Variants in TNRC6C observed in about 807,000 individuals in gnomAD.
TNRC6C encodes the protein trinucleotide repeat-containing gene 6C protein.
A neutral mutation model predicts 153.7 loss-of-function variants in TNRC6C; 20 were observed. The observed-to-expected ratio is 0.13, with a 90% confidence interval of 0.09 to 0.19. The LOEUF is 0.19. Ranked by LOEUF, TNRC6C falls within the 10% of genes least tolerant of loss-of-function variation. TNRC6C has a pLI of 1.00. For synonymous variants in TNRC6C, 811 were observed against 841.4 expected (o/e 0.96, Z 0.63); for missense variants, 1,987 against 2,172.0 (o/e 0.91, Z 1.69).
Position 78,077,098 on chromosome 17 carries a change from C to G in TNRC6C, c.3061-87C>G, listed in dbSNP as rs1251583839. On this transcript the variant is annotated intron_variant, in intron 8 of 19. Transcript: ENST00000301624. ...GATCTGTTAATTATTTATCCATCCA[C>G]GCCTCCTCTGTTTCCTTGGGAAACT... 4.9e-6 allele frequency: 7 copies of G among 1,443,278 alleles called. No individual in the cohort carries two copies. In the African/African-American group the frequency reaches 5.7e-5, roughly 12 times the overall value. The allele number at this position is 1,443,278 out of a possible 1,614,324, so 89.4% of individuals were successfully genotyped here. A position where few individuals can be genotyped will look rare whatever the true frequency, so the allele number is the denominator to read the frequency against.
intron 1 of TNRC6C, among the ~76,000 whole-genome samples, chr17:77,965,883 C>G (rs750034984): frequency 4.6e-5 from 7 of 152,186 alleles, no homozygotes; most frequent in African/African-American, 7.2e-5. Flanking sequence ...CAGTATTTCC[C>G]AAACTTATGT....
intron 3 of TNRC6C, among the ~76,000 whole-genome samples, chr17:78,060,948 T>C (rs1455905280): frequency 6.6e-6 from 1 of 152,240 alleles, no homozygotes; most frequent in Non-Finnish European, 1.5e-5. Flanking sequence ...CTTGGTCCTA[T>C]TTCTTGGCCT....
At chr17:78,039,791 G>A (rs1030051027) in intron 2 of TNRC6C, among the ~76,000 whole-genome samples, 2 of 152,218 alleles carry the variant, frequency 1.3e-5, no homozygotes, top group Admixed American at 6.5e-5. Flanking sequence ...CAACAAGCCC[G>A]AGAGGAGGAG....
chr17:77,972,278 C>T (rs968664119), intron 1 of TNRC6C, among the ~76,000 whole-genome samples: 1 of 152,036 alleles, frequency 6.6e-6, no homozygotes. Flanking sequence ...TTTGGGAGGC[C>T]GAGGTGGGAG....
At chr17:78,076,558 C>T (rs534785629) in intron 8 of TNRC6C, among the ~76,000 whole-genome samples, 1 of 152,098 alleles carries the variant, frequency 6.6e-6, no homozygotes. Flanking sequence ...AACTCAGCAT[C>T]GCATATGTTT....
chr17:78,082,975 T>G, intron 10 of TNRC6C, 72 bp from the exon 13 acceptor site: 2 of 1,558,726 alleles, frequency 1.3e-6, no homozygotes, highest in Non-Finnish European at 1.7e-6. Flanking sequence ...TTTTGAATTT[T>G]GAAAAACTAC....
At chr17:78,034,989 A>G (rs1200111812) in intron 2 of TNRC6C, among the ~76,000 whole-genome samples, 1 of 152,136 alleles carries the variant, frequency 6.6e-6, no homozygotes, top group Non-Finnish European at 1.5e-5. Flanking sequence ...TTCTATGACT[A>G]AGCAGAATGG....
chr17:78,032,040 G>GCATATTACA (rs2072086196), intron 2 of TNRC6C, among the ~76,000 whole-genome samples, 198 bp downstream of exon 4: 1 of 152,120 alleles, frequency 6.6e-6, no homozygotes, highest in Non-Finnish European at 1.5e-5. Context: ...TTGGTCATGA[G>GCATATTACA]TTTGCAGATG....
chr17:77,990,248 G>A (rs541023459), intron 1 of TNRC6C, among the ~76,000 whole-genome samples: 4 of 152,238 alleles, frequency 2.6e-5, no homozygotes, highest in African/African-American at 7.2e-5. Context: ...AGTAGCCTAC[G>A]CATTGGTTTC....
intron 1 of TNRC6C, among the ~76,000 whole-genome samples, chr17:78,012,696 A>G (rs1208845217): frequency 1.3e-5 from 2 of 152,206 alleles, no homozygotes; most frequent in Non-Finnish European, 2.9e-5. Flanking sequence ...GCTTCCAGGT[A>G]TGAGAAGTCA....
chr17:78,022,822 T>G (rs1055280510), intron 1 of TNRC6C, among the ~76,000 whole-genome samples: 3 of 152,230 alleles, frequency 2.0e-5, no homozygotes, highest in African/African-American at 7.2e-5. Flanking sequence ...TAACTGTCAA[T>G]CAAAAATATT....
intron 19 of TNRC6C, among the ~76,000 whole-genome samples, chr17:78,103,828 C>T (rs2073640720): frequency 6.6e-6 from 1 of 152,200 alleles, no homozygotes; most frequent in Non-Finnish European, 1.5e-5. Context: ...CGTAATCTCT[C>T]CTTATAAGGA....
chr17:78,012,062 T>C (rs1440695690), intron 1 of TNRC6C: 1 of 152,210 alleles, frequency 6.6e-6, no homozygotes, highest in Non-Finnish European at 1.5e-5. Flanking sequence ...TCGCTACAGG[T>C]TGTCTACATG....
intron 2 of TNRC6C, among the ~76,000 whole-genome samples, chr17:78,032,325 T>C (rs1230695045): frequency 6.6e-6 from 1 of 152,254 alleles, no homozygotes; most frequent in African/African-American, 2.4e-5. Context: ...GCCCTGCTTC[T>C]TGTTGCTTCC....
chr17:78,060,761 C>A (rs1337532071), intron 3 of TNRC6C, among the ~76,000 whole-genome samples: 3 of 152,156 alleles, frequency 2.0e-5, no homozygotes, highest in Non-Finnish European at 4.4e-5. Context: ...TAAAACTTTC[C>A]TCCCAAAAAG....
At chr17:78,045,291 A>G (rs942812469) in intron 2 of TNRC6C, among the ~76,000 whole-genome samples, 2 of 152,210 alleles carry the variant, frequency 1.3e-5, no homozygotes, top group Non-Finnish European at 2.9e-5. Flanking sequence ...GAAATACCCA[A>G]TATGTAAACT....
At chr17:78,089,361 A>T (rs1316211613) in intron 13 of TNRC6C, among the ~76,000 whole-genome samples, 1 of 152,234 alleles carries the variant, frequency 6.6e-6, no homozygotes, top group Non-Finnish European at 1.5e-5. Flanking sequence ...AATTTGGATA[A>T]TATTTTATAA....
chr17:77,981,890 T>C (rs1567899592), intron 1 of TNRC6C, among the ~76,000 whole-genome samples: 4 of 152,134 alleles, frequency 2.6e-5, no homozygotes, highest in Admixed American at 6.5e-5. Context: ...ATAGAAGAGA[T>C]TTGACAACCC....
chr17:77,969,199 C>CAAT (rs2070921927), intron 1 of TNRC6C, among the ~76,000 whole-genome samples: 1 of 152,168 alleles, frequency 6.6e-6, no homozygotes, highest in Non-Finnish European at 1.5e-5. Flanking sequence ...CCTCACCGCT[C>CAAT]TATTGCACTA....
Sources: gnomAD v4.1 joint callset for allele counts (sites outside exome capture counted in the v4.1 genomes callset) on GRCh38, gnomAD v4.1.1 for gene constraint, MANE v1.5 for transcripts, NCBI Gene and HGNC (gene_info 2026-07-23, HGNC 2026-07-21) for gene names.